Variants in ANO4 observed in about 807,000 individuals in gnomAD.
ANO4 encodes the protein anoctamin 4.
Under a neutral mutation model 141.9 loss-of-function variants are expected in ANO4, and 69 were observed. The ratio of observed to expected loss-of-function variants is 0.49; its 90% CI spans 0.40 to 0.59. ANO4 has a LOEUF of 0.59. Among genes scored for constraint, ANO4 ranks in the 20% least tolerant of loss-of-function variants. ANO4 has a pLI of 0.00. For missense variants in ANO4, 894 were observed against 1,162.2 expected, an observed-to-expected ratio of 0.77 and a Z score of 3.36; for synonymous variants, 350 against 394.3, an observed-to-expected ratio of 0.89 and a Z score of 1.33.
Position 101,097,732 on chromosome 12 carries a change from TG to T in ANO4, c.1908+25del, listed in dbSNP as rs1435302927. ...AGGTCTGTATTCTCCCATCATTCCTTGTTTCCGACAGACTTGCATTAAACAG... is the reference window on the plus strand; with the variant it reads ...AGGTCTGTATTCTCCCATCATTCCTTTTTCCGACAGACTTGCATTAAACAG... On this transcript the variant is annotated intron_variant, in intron 20 of 27. Transcript: ENST00000392977. The T allele has an allele frequency of 1.9e-6, 3 of 1,613,064 alleles. No homozygotes were observed. The African/African-American group carries it at 4.0e-5, about 22-fold the overall frequency.
intron 7 of ANO4, chr12:100,987,254 C>A: frequency 3.3e-6 from 1 of 305,126 alleles, no homozygotes; most frequent in Non-Finnish European, 6.2e-6. Context: ...GCTTTCCAGC[C>A]TTGTTAGGAC....
chr12:100,774,548 G>C (rs1015824139), intron 3 of ANO4, among the ~76,000 whole-genome samples: 1 of 152,184 alleles, frequency 6.6e-6, no homozygotes, highest in African/African-American at 2.4e-5. Context: ...AAACATCCAA[G>C]TAGATGAAAA....
At chr12:100,943,232 A>T (rs548635786) in intron 5 of ANO4, among the ~76,000 whole-genome samples, 2 of 152,338 alleles carry the variant, frequency 1.3e-5, no homozygotes, top group South Asian at 4.1e-4. Flanking sequence ...TGGCCCGTTA[A>T]CTGAATTATG....
intron 22 of ANO4, among the ~76,000 whole-genome samples, chr12:101,106,302 A>G (rs541602856): frequency 2.6e-5 from 4 of 152,098 alleles, no homozygotes; most frequent in Admixed American, 6.6e-5. Flanking sequence ...AGAAAGAATT[A>G]AAGAATGAGA....
At chr12:100,853,673 C>G (rs1205751553) in intron 1 of ANO4, among the ~76,000 whole-genome samples, 3 of 152,060 alleles carry the variant, frequency 2.0e-5, no homozygotes, top group Non-Finnish European at 4.4e-5. Context: ...TTTACCTTTA[C>G]TTTAGAAATT....
intron 1 of ANO4, among the ~76,000 whole-genome samples, chr12:100,891,748 G>C (rs1205485798): frequency 1.3e-5 from 2 of 152,226 alleles, no homozygotes; most frequent in African/African-American, 4.8e-5. Flanking sequence ...TCACATACTT[G>C]TCAATTTTTA....
At chr12:100,941,573 T>C (rs1280646222) in intron 4 of ANO4, among the ~76,000 whole-genome samples, 5 of 152,222 alleles carry the variant, frequency 3.3e-5, no homozygotes, top group Non-Finnish European at 7.3e-5. Context: ...TTTATTTATC[T>C]ATTTATTGTC....
chr12:100,897,650 T>TGA (rs2040411252), intron 1 of ANO4, among the ~76,000 whole-genome samples: 1 of 152,218 alleles, frequency 6.6e-6, no homozygotes, highest in Admixed American at 6.5e-5. Context: ...GGCAGATGAA[T>TGA]GAGAGTTCAA....
At chr12:100,807,214 G>A (rs922712405) in intron 1 of ANO4, among the ~76,000 whole-genome samples, 1 of 152,124 alleles carries the variant, frequency 6.6e-6, no homozygotes, top group East Asian at 1.9e-4. Context: ...TGCTGGCTAG[G>A]TGGTGATTCT....
intron 3 of ANO4, among the ~76,000 whole-genome samples, chr12:100,741,908 T>C (rs1024526142): frequency 5.9e-5 from 9 of 152,092 alleles, no homozygotes; most frequent in African/African-American, 1.9e-4. Flanking sequence ...GGGTGTGAAA[T>C]GGCAGCTGCC....
chr12:100,999,340 CCTT>C (rs1307208258), intron 8 of ANO4, among the ~76,000 whole-genome samples: 2 of 152,306 alleles, frequency 1.3e-5, no homozygotes, highest in East Asian at 1.9e-4. Context: ...GTAGTTGAGT[CCTT>C]CTCACATCAC....
chr12:100,769,841 A>G (rs1188412042), intron 3 of ANO4, among the ~76,000 whole-genome samples: 1 of 152,242 alleles, frequency 6.6e-6, no homozygotes, highest in African/African-American at 2.4e-5. Context: ...GCAAAATTAT[A>G]ATAGTTGGTT....
intron 1 of ANO4, among the ~76,000 whole-genome samples, chr12:100,862,854 CATT>C (rs2038556126): frequency 1.3e-5 from 2 of 152,268 alleles, no homozygotes; most frequent in Middle Eastern, 3.4e-3. Flanking sequence ...ACTGAAACGT[CATT>C]ATGCAGTGCA....
chr12:100,930,337 C>T (rs2042039268), intron 3 of ANO4, among the ~76,000 whole-genome samples: 2 of 152,088 alleles, frequency 1.3e-5, no homozygotes, highest in Non-Finnish European at 2.9e-5. Context: ...AGTCTTTAAT[C>T]CATTTTGGTT....
At chr12:101,078,343 A>ATGTGTG (rs10601650) in intron 14 of ANO4, among the ~76,000 whole-genome samples, 4 of 150,412 alleles carry the variant, frequency 2.7e-5, no homozygotes, top group Admixed American at 2.7e-4. Context: ...GTCTGTATGC[A>ATGTGTG]TGTGTGTGTG....
intron 24 of ANO4, among the ~76,000 whole-genome samples, chr12:101,116,444 G>C (rs1439147494): frequency 6.6e-6 from 1 of 152,188 alleles, no homozygotes; most frequent in Non-Finnish European, 1.5e-5. Flanking sequence ...TTGGGGTAGA[G>C]ATGTTCTATA....
chr12:100,874,767 G>A (rs773358102), intron 1 of ANO4, among the ~76,000 whole-genome samples: 7 of 152,114 alleles, frequency 4.6e-5, no homozygotes, highest in South Asian at 2.1e-4. Context: ...TCATCTGCCC[G>A]CCTCAGCCTC....
chr12:100,842,195 C>T (rs2037303891), intron 1 of ANO4: 1 of 151,888 alleles, frequency 6.6e-6, no homozygotes, highest in Non-Finnish European at 1.5e-5. Flanking sequence ...GGCTCCAGCT[C>T]ATTCCTGGCT....
At chr12:100,937,931 T>C (rs570914433) in intron 3 of ANO4, among the ~76,000 whole-genome samples, 55 of 152,324 alleles carry the variant, frequency 3.6e-4, no homozygotes, top group African/African-American at 1.3e-3. Flanking sequence ...CCTACCTATA[T>C]ACTCTAAGAC....
Sources: allele counts gnomAD v4.1 joint callset (sites outside exome capture counted in the v4.1 genomes callset), GRCh38; gene constraint gnomAD v4.1.1; transcripts MANE v1.5; gene names NCBI Gene and HGNC (gene_info 2026-07-23, HGNC 2026-07-21).